MYO3A: variants seen among roughly 807,000 people sequenced by gnomAD.
MYO3A encodes the protein myosin IIIA.
Under a neutral mutation model 192.7 loss-of-function variants are expected in MYO3A, and 180 were observed. The ratio of observed to expected loss-of-function variants is 0.93; its 90% CI spans 0.83 to 1.06. The LOEUF (loss-of-function observed/expected upper bound fraction) is 1.06. MYO3A is among the 50% of genes least tolerant of loss of function. The pLI is 0.00. For synonymous variants in MYO3A, 628 were observed against 645.3 expected, an observed-to-expected ratio of 0.97 and a Z score of 0.41; for missense variants, 1,896 against 1,905.0, an observed-to-expected ratio of 1.00 and a Z score of 0.09.
At chr10:26,118,244 G>A (rs1838639209) in intron 17 of MYO3A, among the ~76,000 whole-genome samples, 2 of 151,888 alleles carry the variant, frequency 1.3e-5, no homozygotes. Context: ...AATGTCAGAT[G>A]CTGTATGAAT....
chr10:26,029,752 A>G (rs1425979859), intron 10 of MYO3A, among the ~76,000 whole-genome samples: 2 of 151,960 alleles, frequency 1.3e-5, no homozygotes, highest in Non-Finnish European at 2.9e-5. Flanking sequence ...TAACTCTCAG[A>G]TTTGCATTTC....
intron 14 of MYO3A, 100 bp downstream of exon 14, chr10:26,070,501 A>T: frequency 9.5e-7 from 1 of 1,050,264 alleles, no homozygotes; most frequent in Non-Finnish European, 1.4e-6. Flanking sequence ...CTCACATTTA[A>T]TAATGTACAG....
intron 20 of MYO3A, among the ~76,000 whole-genome samples, chr10:26,128,934 C>CAGT (rs1286043931): frequency 1.3e-5 from 2 of 152,226 alleles, no homozygotes; most frequent in Middle Eastern, 6.8e-3. Context: ...TTCAGAATTC[C>CAGT]AGTAGCTAGG....
At chr10:25,959,565 T>A (rs1408660747) in intron 4 of MYO3A, among the ~76,000 whole-genome samples, 1 of 152,118 alleles carries the variant, frequency 6.6e-6, no homozygotes, top group African/African-American at 2.4e-5. Flanking sequence ...ATCTGCCCAG[T>A]CTTGTTTGGA....
At chr10:26,208,336 G>A (rs575021767) in intron 34 of MYO3A, among the ~76,000 whole-genome samples, 1 of 152,094 alleles carries the variant, frequency 6.6e-6, no homozygotes. Flanking sequence ...AGAGACAGGA[G>A]AATTGTGAAA....
intron 4 of MYO3A, among the ~76,000 whole-genome samples, chr10:25,973,979 G>A (rs552501636): frequency 5.3e-5 from 8 of 152,162 alleles, no homozygotes; most frequent in East Asian, 1.9e-4. Flanking sequence ...ACCAAAAACC[G>A]TAAAAACCCT....
intron 18 of MYO3A, 31 bp from the exon 19 acceptor site, chr10:26,125,367 T>C: frequency 6.2e-7 from 1 of 1,606,656 alleles, no homozygotes. Flanking sequence ...TGCCATAATT[T>C]CTTCTAACAA....
At chr10:26,157,586 CAT>C (rs1247896127) in intron 26 of MYO3A, 71 bp downstream of exon 26, 18 of 1,513,520 alleles carry the variant, frequency 1.2e-5, no homozygotes, top group Non-Finnish European at 1.6e-5. Context: ...TTATAAGAAA[CAT>C]AATATGAAAA....
At chr10:26,100,818 A>G (rs955832962) in intron 17 of MYO3A, among the ~76,000 whole-genome samples, 5 of 152,164 alleles carry the variant, frequency 3.3e-5, no homozygotes, top group Non-Finnish European at 1.5e-5. Context: ...ACTTCCAACT[A>G]TGTGGTCAAT....
chr10:26,014,146 G>C (rs2131028881), intron 6 of MYO3A, among the ~76,000 whole-genome samples: 1 of 152,086 alleles, frequency 6.6e-6, no homozygotes, highest in South Asian at 2.1e-4. Flanking sequence ...AGTGGGGCTA[G>C]GGATAAAAAA....
intron 20 of MYO3A, among the ~76,000 whole-genome samples, chr10:26,129,449 G>A (rs576387496): frequency 6.6e-6 from 1 of 151,602 alleles, no homozygotes; most frequent in Admixed American, 6.6e-5. Context: ...CCTCTCTGTC[G>A]GTGCCCTCCC....
chr10:25,999,308 C>G (rs1450867307), intron 6 of MYO3A, among the ~76,000 whole-genome samples: 3 of 152,070 alleles, frequency 2.0e-5, no homozygotes, highest in Non-Finnish European at 4.4e-5. Context: ...GAAAAGAGGG[C>G]CAGTTGCTTA....
At chr10:26,111,005 T>C (rs1359807993) in intron 17 of MYO3A, among the ~76,000 whole-genome samples, 1 of 151,714 alleles carries the variant, frequency 6.6e-6, no homozygotes, top group Non-Finnish European at 1.5e-5. Context: ...GCTGGGACTA[T>C]AGGTGATTAC....
intron 3 of MYO3A, among the ~76,000 whole-genome samples, chr10:25,953,171 AG>A (rs1342883981): frequency 2.0e-4 from 30 of 152,168 alleles, no homozygotes; most frequent in African/African-American, 7.2e-4. Context: ...ATGTGTATAG[AG>A]AGGACATCAG....
intron 14 of MYO3A, among the ~76,000 whole-genome samples, chr10:26,077,157 T>A (rs1467974396): frequency 6.6e-6 from 1 of 151,256 alleles, no homozygotes; most frequent in Admixed American, 6.6e-5. Flanking sequence ...TCATGTCATC[T>A]ATGATTTATT....
At chr10:26,116,444 G>A (rs763375379) in intron 17 of MYO3A, among the ~76,000 whole-genome samples, 1 of 152,106 alleles carries the variant, frequency 6.6e-6, no homozygotes, top group Non-Finnish European at 1.5e-5. Flanking sequence ...CTGTACTCCA[G>A]TATGACCTTA....
At position 26,143,460 on chromosome 10, in the gene MYO3A, A is replaced by C; in HGVS notation, c.2275A>C (p.Asn759His). The C allele has an allele frequency of 6.2e-7, 1 of 1,612,120 alleles. No individual in the cohort carries two copies. Among genetic ancestry groups the C allele is most frequent in the Non-Finnish European group, 8.5e-7 (1 of 1,178,254 alleles). The part of the protein sequence containing the change: ...VFAWEQNEYL[N>H]EDVDARVIEY... Reference sequence around the variant, plus strand: ...GTCTTTATTATAGAATGAATACCTAAATGAAGATGTGGATGCTAGAGTTAT... The same window carrying C: ...GTCTTTATTATAGAATGAATACCTACATGAAGATGTGGATGCTAGAGTTAT... Residue 759 changes from asparagine (N) to histidine (H), a missense_variant, in exon 21 of 35, where the codon AAT becomes CAT. Coordinates refer to ENST00000642920, the MANE Select transcript of MYO3A (RefSeq NM_017433.5).
chr10:26,171,757 C>G (rs1254604405), intron 29 of MYO3A, among the ~76,000 whole-genome samples: 1 of 152,174 alleles, frequency 6.6e-6, no homozygotes, highest in Non-Finnish European at 1.5e-5. Context: ...GACTTCTGTA[C>G]TTCAGTCTGG....
At chr10:26,117,316 C>T (rs963653585) in intron 17 of MYO3A, among the ~76,000 whole-genome samples, 3 of 152,012 alleles carry the variant, frequency 2.0e-5, no homozygotes, top group Admixed American at 6.6e-5. Flanking sequence ...GGTAAAAAAA[C>T]ACATTTAAAA....
Sources: gnomAD v4.1 joint callset for allele counts (sites outside exome capture counted in the v4.1 genomes callset) on GRCh38, gnomAD v4.1.1 for gene constraint, MANE v1.5 for transcripts, NCBI Gene and HGNC (gene_info 2026-07-23, HGNC 2026-07-21) for gene names.